Variants in EIF2S3B observed in about 807,000 individuals in gnomAD.
EIF2S3B encodes the protein eukaryotic translation initiation factor 2 subunit 3B.
Under a neutral mutation model 26.4 loss-of-function variants are expected in EIF2S3B, and 16 were observed. The observed-to-expected ratio is 0.61, with a 90% CI of 0.41 to 0.92. The LOEUF (loss-of-function observed/expected upper bound fraction) is 0.92, where lower values mean the gene tolerates loss of function less well. Among genes scored for constraint, EIF2S3B ranks in the 40% least tolerant of loss-of-function variants. The pLI is 0.00. For synonymous variants in EIF2S3B, 183 were observed against 204.4 expected (o/e 0.90, Z 0.89); for missense variants, 510 against 575.5 (o/e 0.89, Z 1.16).
exon 2 of EIF2S3B, chr12:10,522,628 T>C (rs1363427309): frequency 5.7e-6 from 4 of 696,336 alleles, no homozygotes; most frequent in African/African-American, 1.7e-5. Flanking sequence ...CTTGATTTGA[T>C]TAAGGAATTA....
intron 1 of EIF2S3B, among the ~76,000 whole-genome samples, chr12:10,522,245 G>A (rs535824930): frequency 1.3e-5 from 2 of 152,286 alleles, no homozygotes; most frequent in Middle Eastern, 6.8e-3. Flanking sequence ...TGAGGCAGGA[G>A]AGTCACTCGA....
downstream of EIF2S3B, among the ~76,000 whole-genome samples, chr12:10,511,726 CTA>C (rs781121534): frequency 1.1e-4 from 16 of 152,200 alleles, 1 homozygote; most frequent in Middle Eastern, 6.8e-3. Flanking sequence ...GGATTTGTCT[CTA>C]TGTTGAAGTT....
chr12:10,513,755 C>T (rs569030359), intron 1 of EIF2S3B, among the ~76,000 whole-genome samples: 51 of 152,312 alleles, frequency 3.3e-4, no homozygotes, highest in Middle Eastern at 3.4e-3. Context: ...TGGCTCACGC[C>T]TGTAATCCCA....
intron 1 of EIF2S3B, among the ~76,000 whole-genome samples, chr12:10,514,736 A>C (rs1864737730): frequency 6.6e-6 from 1 of 152,208 alleles, no homozygotes; most frequent in Admixed American, 6.5e-5. Context: ...AATCCAATGC[A>C]GATTCCTGCA....
In EIF2S3B at chr12:10,507,576, A is replaced by G. The variant is rs533559371; in HGVS notation, c.*255A>G. ...AGTTAAGCATTCCCACATAATGTCA[A>G]AATTATACATTATGCAGTTTTTTTG... On this transcript the variant is annotated 3_prime_UTR_variant, in exon 1 of 1. Transcript: ENST00000538173. The G allele has an allele frequency of 4.0e-5, 23 of 580,944 alleles. No individual in the cohort carries two copies. In the Middle Eastern group the frequency reaches 1.4e-3, roughly 34 times the overall value. The allele number at this position is 580,944 out of a possible 1,614,324, so 36.0% of individuals were successfully genotyped here. A position where few individuals can be genotyped will look rare whatever the true frequency, so the allele number is the denominator to read the frequency against.
At position 10,506,832 on chromosome 12, in the gene EIF2S3B, G is replaced by A. The variant is rs566940296; in HGVS notation, c.930G>A (p.Met310Ile). 176 of 1,613,514 alleles carry A rather than the reference G, an allele frequency of 1.1e-4. 6 individuals carry two copies. In the South Asian group the frequency reaches 1.9e-3, roughly 17 times the overall value. Residue 310 changes from methionine to isoleucine, a missense_variant, in exon 1 of 1, where the codon ATG (methionine) becomes ATA (isoleucine). Transcript: ENST00000538173. ...CCAAAGATAGTGAAGGAAAACTCAT[G>A]TGTAAATCAATCTTTTCCAAAATTG... ...IVSKDSEGKL[M>I]CKSIFSKIVS...
chr12:10,513,737 G>A (rs1018530898), intron 1 of EIF2S3B, among the ~76,000 whole-genome samples: 26 of 152,146 alleles, frequency 1.7e-4, no homozygotes, highest in Non-Finnish European at 8.8e-5. Context: ...ATATAAGGCC[G>A]GGCACAGTGG....
At chr12:10,517,869 C>T (rs1361783004) in intron 1 of EIF2S3B, among the ~76,000 whole-genome samples, 6 of 151,788 alleles carry the variant, frequency 4.0e-5, no homozygotes, top group African/African-American at 9.7e-5. Flanking sequence ...TCGTTATGTA[C>T]CCAGTAGTCA....
intron 1 of EIF2S3B, among the ~76,000 whole-genome samples, chr12:10,517,311 G>C (rs372598380): frequency 0.031 from 4,675 of 152,016 alleles, 210 homozygotes; most frequent in African/African-American, 0.1. Flanking sequence ...TCTATTCAGA[G>C]ATTCAACTTC....
rs767303563 is a variant in EIF2S3B, at chr12:10,507,264, T to C, written c.1362T>C (p.Ile454=). 2.5e-6 allele frequency: 4 copies of C among 1,613,708 alleles called. No homozygotes were observed. Among genetic ancestry groups the C allele is most frequent in the African/African-American group, 1.3e-5 (1 of 75,016 alleles). ...GAGTTGAAAAACACTGGCGTTTAAT[T>C]GGTTGGGGTCAGATAAGAAGAGGAG... ...SRRVEKHWRL[I]GWGQIRRGVT... is the part of the protein sequence containing the mutation. The change falls in exon 1 of 1, where the codon ATT becomes ATC. Residue 454 remains isoleucine, a synonymous_variant. Coordinates refer to ENST00000538173, the MANE Select transcript of EIF2S3B (RefSeq NM_001357734.3).
intron 1 of EIF2S3B, among the ~76,000 whole-genome samples, chr12:10,516,217 A>C (rs1486423567): frequency 6.6e-6 from 1 of 151,972 alleles, no homozygotes; most frequent in African/African-American, 2.4e-5. Flanking sequence ...AGAACCTTAT[A>C]GTTTACAAAG....
downstream of EIF2S3B, among the ~76,000 whole-genome samples, chr12:10,509,805 A>G (rs543449463): frequency 8.5e-5 from 13 of 152,172 alleles, no homozygotes; most frequent in South Asian, 2.3e-3. Context: ...ATCCATGAGA[A>G]GTATATTAAT....
At chr12:10,513,283 G>A (rs187922615), downstream of EIF2S3B, among the ~76,000 whole-genome samples, 2 of 152,172 alleles carry the variant, frequency 1.3e-5, no homozygotes, top group Admixed American at 1.3e-4. Flanking sequence ...GAATCAAGGA[G>A]GTGAAGTAGA....
intron 1 of EIF2S3B, among the ~76,000 whole-genome samples, chr12:10,521,629 A>C (rs1591637752): frequency 6.6e-6 from 1 of 152,182 alleles, no homozygotes; most frequent in East Asian, 1.9e-4. Flanking sequence ...AAATAAGAAA[A>C]AGAATCTGAA....
chr12:10,512,742 A>C (rs1864718129), downstream of EIF2S3B, among the ~76,000 whole-genome samples: 1 of 152,016 alleles, frequency 6.6e-6, no homozygotes, highest in Non-Finnish European at 1.5e-5. Context: ...ATCTCTAGCT[A>C]TTCCACTTCT....
In EIF2S3B at chr12:10,506,174, T is replaced by C. The variant is rs768799004; in HGVS notation, c.272T>C (p.Leu91Pro). 1 of 1,576,070 alleles carries C rather than the reference T, an allele frequency of 6.3e-7. No individual in the cohort carries two copies. The highest frequency in any genetic ancestry group is 1.3e-5 in the African/African-American group (1 of 74,128). The change falls in exon 1 of 1, where the codon CTT becomes CCT. Residue 91 changes from leucine to proline, a missense_variant. By Grantham distance (98) the Leu-to-Pro change is moderately conservative. Transcript: ENST00000538173. Reference sequence around the variant, plus strand: ...TATGCTAATGCTAAGATTTATCAACTTGATGACCCAAGTTGCCCTCGGCCA... The same window carrying C: ...TATGCTAATGCTAAGATTTATCAACCTGATGACCCAAGTTGCCCTCGGCCA... ...LGYANAKIYQLDDPSCPRPEC... is the reference protein window; with the variant it reads ...LGYANAKIYQPDDPSCPRPEC...
intron 1 of EIF2S3B, among the ~76,000 whole-genome samples, chr12:10,515,967 T>G (rs1864751439): frequency 6.6e-6 from 1 of 151,016 alleles, no homozygotes; most frequent in Non-Finnish European, 1.5e-5. Flanking sequence ...ATATGTAAAA[T>G]AGGTGTTAGT....
rs1432489124 is a variant in EIF2S3B at position 10,514,537 on chromosome 12, A to G, written c.1308+7327A>G. 1.3e-5 allele frequency among the ~76,000 whole-genome samples: 2 copies of G among 152,216 alleles called. 1 individual carries two copies. Among genetic ancestry groups the G allele is most frequent in the East Asian group, 3.8e-4 (2 of 5,200 alleles). ...GCTACTAAAAGCTCACTCTGGAGAC[A>G]CAGACCAATTCTTTCTGGTTGTCTC... On this transcript the variant is annotated intron_variant, in intron 1 of 1. Transcript: ENST00000322446.
intron 1 of EIF2S3B, among the ~76,000 whole-genome samples, chr12:10,517,976 C>T (rs998544642): frequency 2.0e-5 from 3 of 151,750 alleles, no homozygotes; most frequent in Non-Finnish European, 2.9e-5. Flanking sequence ...GTCTGAGAGA[C>T]AGTTTGTTAT....
Sources: allele counts gnomAD v4.1 joint callset (sites outside exome capture counted in the v4.1 genomes callset), GRCh38; gene constraint gnomAD v4.1.1; transcripts MANE v1.5; gene names NCBI Gene and HGNC (gene_info 2026-07-23, HGNC 2026-07-21).